LRBA: variants seen among roughly 807,000 people sequenced by gnomAD.
The protein encoded by LRBA is LPS responsive beige-like anchor protein, also known as lipopolysaccharide-responsive and beige-like anchor protein.
Under a neutral mutation model 330.0 loss-of-function variants are expected in LRBA, and 176 were observed. The ratio of observed to expected loss-of-function variants is 0.53; its 90% confidence interval spans 0.47 to 0.60. LRBA has a LOEUF of 0.60. LRBA is among the 20% of genes least tolerant of loss of function. The pLI, the probability that LRBA is intolerant of heterozygous loss-of-function variation, is 0.00. For missense variants in LRBA, 3,259 were observed against 3,444.8 expected (o/e 0.95, Z 1.35); for synonymous variants, 1,230 against 1,193.0 (o/e 1.03, Z -0.64).
intron 46 of LRBA, among the ~76,000 whole-genome samples, chr4:150,429,431 G>A (rs1207255374): frequency 6.6e-6 from 1 of 151,994 alleles, no homozygotes; most frequent in Non-Finnish European, 1.5e-5. Flanking sequence ...ATTTTGGAAA[G>A]GAGTTAGGTA....
intron 54 of LRBA, among the ~76,000 whole-genome samples, chr4:150,283,823 GCAT>G (rs375326278): frequency 1.3e-5 from 2 of 152,102 alleles, no homozygotes; most frequent in South Asian, 4.1e-4. Context: ...TAACAGATGT[GCAT>G]CATCATCATC....
At chr4:150,952,252 ATATG>A (rs1399815988) in intron 2 of LRBA, among the ~76,000 whole-genome samples, 1 of 146,442 alleles carries the variant, frequency 6.8e-6, no homozygotes, top group African/African-American at 2.7e-5. Flanking sequence ...AACCTGTTGT[ATATG>A]TGTGTGTGTG....
chr4:150,676,640 A>ATT (rs572828958), intron 37 of LRBA, among the ~76,000 whole-genome samples: 5 of 150,172 alleles, frequency 3.3e-5, no homozygotes, highest in Non-Finnish European at 5.9e-5. Context: ...TCATATTGGG[A>ATT]TTTTTTTTTT....
intron 40 of LRBA, among the ~76,000 whole-genome samples, chr4:150,553,892 T>C (rs1454713198): frequency 2.6e-5 from 4 of 152,198 alleles, no homozygotes; most frequent in Non-Finnish European, 5.9e-5. Flanking sequence ...GTAAACTACT[T>C]AGAAACAGAG....
At chr4:150,992,722 C>T (rs1296175545) in intron 2 of LRBA, among the ~76,000 whole-genome samples, 2 of 152,140 alleles carry the variant, frequency 1.3e-5, no homozygotes, top group African/African-American at 4.8e-5. Context: ...CTGCAAAGAA[C>T]AAGTGATCAT....
intron 47 of LRBA, among the ~76,000 whole-genome samples, chr4:150,354,064 A>C (rs1270695902): frequency 1.3e-5 from 2 of 152,158 alleles, no homozygotes; most frequent in Non-Finnish European, 2.9e-5. Context: ...AATGCACTTA[A>C]GACTTGAGGG....
At chr4:150,463,059 G>A (rs1581389609) in intron 44 of LRBA, among the ~76,000 whole-genome samples, 1 of 151,908 alleles carries the variant, frequency 6.6e-6, no homozygotes, top group Non-Finnish European at 1.5e-5. Flanking sequence ...TTTTATATGT[G>A]CAAAGTACAA....
intron 2 of LRBA, among the ~76,000 whole-genome samples, chr4:150,996,734 G>T (rs746303820): frequency 5.7e-4 from 86 of 151,920 alleles, no homozygotes; most frequent in Middle Eastern, 3.2e-3. Context: ...TCTAATACAA[G>T]AACACAACTT....
At chr4:150,656,848 A>C (rs1309010591) in intron 37 of LRBA, among the ~76,000 whole-genome samples, 1 of 152,228 alleles carries the variant, frequency 6.6e-6, no homozygotes, top group Non-Finnish European at 1.5e-5. Flanking sequence ...TGAATAAATA[A>C]ATGAGCATTA....
chr4:150,864,094 C>T (rs780999770), intron 22 of LRBA, among the ~76,000 whole-genome samples: 14 of 152,078 alleles, frequency 9.2e-5, no homozygotes, highest in East Asian at 3.9e-4. Flanking sequence ...CTCACCACCA[C>T]GCCCAGCTAA....
chr4:150,324,318 TCTTA>T (rs576423274), intron 49 of LRBA, among the ~76,000 whole-genome samples: 263 of 152,276 alleles, frequency 1.7e-3, no homozygotes, highest in Non-Finnish European at 2.2e-3. Context: ...CATAAATCAT[TCTTA>T]CTATTTTTAT....
In LRBA at chr4:150,455,274, A is replaced by G. The variant is rs570593515; in HGVS notation, c.6780+12399T>C. On this transcript the variant is annotated intron_variant, in intron 44 of 56. Coordinates refer to ENST00000651943, the MANE Select transcript of LRBA (RefSeq NM_001364905.1). Reference sequence around the variant, plus strand: ...AAATACCATTTGACCCAGCCATCCCATTACTGGGTATATACCCAAATGACT... The same window carrying G: ...AAATACCATTTGACCCAGCCATCCCGTTACTGGGTATATACCCAAATGACT... 5.1e-3 allele frequency among the ~76,000 whole-genome samples: 776 copies of G among 152,142 alleles called. 6 individuals are homozygous for G. Among genetic ancestry groups the G allele is most frequent in the Non-Finnish European group, 8.2e-3 (555 of 67,994 alleles).
intron 34 of LRBA, among the ~76,000 whole-genome samples, chr4:150,775,433 A>T (rs997930526): frequency 1.3e-5 from 2 of 149,816 alleles, no homozygotes; most frequent in African/African-American, 2.5e-5. Flanking sequence ...ATACATTTCT[A>T]AAAGGAAGTC....
intron 44 of LRBA, among the ~76,000 whole-genome samples, chr4:150,445,344 CCTCT>C (rs1317931739): frequency 3.5e-4 from 21 of 59,224 alleles, no homozygotes; most frequent in African/African-American, 6.7e-4. Context: ...TTTCGGAAAA[CCTCT>C]CTCTCTCTCT....
chr4:150,844,030 T>C, intron 28 of LRBA, 70 bp downstream of exon 28: 2 of 927,570 alleles, frequency 2.2e-6, no homozygotes, highest in Non-Finnish European at 3.3e-6. Flanking sequence ...ATTTTTAATC[T>C]CAATACATTA....
rs1380003928 is a variant in LRBA at position 150,865,199 on chromosome 4, G to GA, written c.2766+2471dup. The stretch of plus-strand genomic sequence containing the variant: ...TTTTGTAAATGGCAACATAGTATGA[G>GA]AAAAAAAATCAGTCTAGATTGCAGC... On this transcript the variant is annotated intron_variant, in intron 22 of 56. Transcript: ENST00000651943. Among the ~76,000 whole-genome samples, 8 of 151,690 alleles carry GA rather than the reference G, an allele frequency of 5.3e-5. No individual in the cohort carries two copies. The East Asian group carries it at 5.8e-4, about 11-fold the overall frequency.
chr4:150,730,839 G>A (rs62346304), intron 36 of LRBA, among the ~76,000 whole-genome samples: 13,199 of 150,088 alleles, frequency 0.088, 977 homozygotes, highest in African/African-American at 0.22. Context: ...CCAACACAGC[G>A]AAACCCCATC....
At chr4:150,597,247 C>A in intron 38 of LRBA, 1 of 408,912 alleles carries the variant, frequency 2.4e-6, no homozygotes, top group South Asian at 7.1e-5. Context: ...TCTTTTTTGT[C>A]AAACTTTAAT....
intron 37 of LRBA, among the ~76,000 whole-genome samples, chr4:150,622,025 C>T (rs1240325312): frequency 6.6e-6 from 1 of 152,182 alleles, no homozygotes; most frequent in African/African-American, 2.4e-5. Flanking sequence ...GTAAATTAAA[C>T]TTTTGTAAGC....
Sources: gnomAD v4.1 joint callset for allele counts (sites outside exome capture counted in the v4.1 genomes callset) on GRCh38, gnomAD v4.1.1 for gene constraint, MANE v1.5 for transcripts, NCBI Gene and HGNC (gene_info 2026-07-23, HGNC 2026-07-21) for gene names.